The following IL7 variants were observed in gnomAD, a reference collection of about 807,000 sequenced individuals.
IL7 encodes interleukin 7.
In IL7, 3 loss-of-function variants were observed where a neutral mutation model predicts 21.6. The ratio of observed to expected loss-of-function variants is 0.14; its 90% CI spans 0.06 to 0.36. IL7 has a LOEUF of 0.36. Ranked by LOEUF, IL7 falls within the 10% of genes least tolerant of loss-of-function variation. IL7 has a pLI of 1.00. For missense variants in IL7, 175 were observed against 200.2 expected, an observed-to-expected ratio of 0.87 and a Z score of 0.76; for synonymous variants, 62 against 68.1, an observed-to-expected ratio of 0.91 and a Z score of 0.44.
At chr8:78,679,586 G>T (rs1394872096) in intron 4 of IL7, among the ~76,000 whole-genome samples, 1 of 152,116 alleles carries the variant, frequency 6.6e-6, no homozygotes, top group African/African-American at 2.4e-5. Flanking sequence ...GGTAGTAAGG[G>T]CCAACTGTGT....
intron 2 of IL7, among the ~76,000 whole-genome samples, chr8:78,777,598 G>C (rs1813173453): frequency 6.6e-6 from 1 of 151,768 alleles, no homozygotes; most frequent in Admixed American, 6.6e-5. Context: ...ATCAATCTTT[G>C]AGTTTTCCAT....
intron 1 of IL7, among the ~76,000 whole-genome samples, chr8:78,802,895 A>G (rs1307730241): frequency 6.6e-6 from 1 of 152,212 alleles, no homozygotes; most frequent in African/African-American, 2.4e-5. Context: ...CTTCCTGTGC[A>G]TGAACCTCAC....
chr8:78,792,306 C>T (rs891829813), intron 2 of IL7, among the ~76,000 whole-genome samples: 1 of 152,126 alleles, frequency 6.6e-6, no homozygotes, highest in African/African-American at 2.4e-5. Flanking sequence ...CAAAGACCAA[C>T]ATGTGAGACT....
intron 3 of IL7, among the ~76,000 whole-genome samples, chr8:78,693,821 G>C (rs1377121808): frequency 6.6e-6 from 1 of 152,168 alleles, no homozygotes; most frequent in African/African-American, 2.4e-5. Flanking sequence ...CCTGTGTCCT[G>C]AATGGTATTG....
intron 2 of IL7, among the ~76,000 whole-genome samples, chr8:78,749,863 A>C (rs879814742): frequency 1.3e-5 from 2 of 152,002 alleles, no homozygotes; most frequent in Admixed American, 1.3e-4. Context: ...GTGAGATCCT[A>C]TCTTTACAAA....
At chr8:78,751,138 G>T (rs1231821054) in intron 2 of IL7, among the ~76,000 whole-genome samples, 1 of 150,866 alleles carries the variant, frequency 6.6e-6, no homozygotes, top group Non-Finnish European at 1.5e-5. Context: ...TAAGAACTGT[G>T]GGACAACTAC....
At chr8:78,767,724 C>T (rs939806978) in intron 2 of IL7, among the ~76,000 whole-genome samples, 8 of 152,036 alleles carry the variant, frequency 5.3e-5, no homozygotes, top group East Asian at 3.8e-4. Context: ...CACCATTTCT[C>T]TATTATTGAT....
At chr8:78,774,579 G>A (rs16906080) in intron 2 of IL7, among the ~76,000 whole-genome samples, 2,405 of 151,974 alleles carry the variant, frequency 0.016, 51 homozygotes, top group African/African-American at 0.055. Flanking sequence ...AGCAATTCTC[G>A]TGCAATTTAT....
chr8:78,734,968 A>C (rs934255580), intron 5 of IL7, among the ~76,000 whole-genome samples: 18 of 152,202 alleles, frequency 1.2e-4, no homozygotes, highest in African/African-American at 3.9e-4. Flanking sequence ...CCACAAATTC[A>C]GATCTCTTTT....
At chr8:78,772,262 T>C (rs1296414728) in intron 2 of IL7, among the ~76,000 whole-genome samples, 2 of 152,172 alleles carry the variant, frequency 1.3e-5, no homozygotes, top group East Asian at 1.9e-4. Flanking sequence ...CAGAATTTAA[T>C]AGAAGAGTTG....
At chr8:78,741,128 A>C (rs1229767996) in intron 2 of IL7, among the ~76,000 whole-genome samples, 1 of 152,202 alleles carries the variant, frequency 6.6e-6, no homozygotes, top group South Asian at 2.1e-4. Flanking sequence ...TTGAATCCTC[A>C]TCTGCCTCTC....
At chr8:78,766,632 G>T (rs1333607804) in intron 2 of IL7, among the ~76,000 whole-genome samples, 2 of 151,972 alleles carry the variant, frequency 1.3e-5, no homozygotes, top group Non-Finnish European at 2.9e-5. Flanking sequence ...TGTCATTCTA[G>T]GTCAAACATA....
chr8:78,720,785 T>C (rs568417891), intron 5 of IL7, among the ~76,000 whole-genome samples: 1 of 152,108 alleles, frequency 6.6e-6, no homozygotes, highest in Admixed American at 6.6e-5. Flanking sequence ...ATATCACTTA[T>C]GGACAATACA....
chr8:78,721,705 T>C (rs1324501143), intron 3 of IL7, among the ~76,000 whole-genome samples: 2 of 152,022 alleles, frequency 1.3e-5, no homozygotes, highest in Non-Finnish European at 2.9e-5. Context: ...TTAAGATGAA[T>C]GCCCTTATGT....
intron 2 of IL7, among the ~76,000 whole-genome samples, chr8:78,751,372 C>G (rs918402168): frequency 6.6e-6 from 1 of 152,020 alleles, no homozygotes; most frequent in Non-Finnish European, 1.5e-5. Context: ...AGTAAAAAAC[C>G]AGTGTTTAAA....
intron 2 of IL7, among the ~76,000 whole-genome samples, chr8:78,789,277 A>AT (rs2130825425): frequency 6.6e-6 from 1 of 152,306 alleles, no homozygotes; most frequent in South Asian, 2.1e-4. Context: ...CTCTTGTTAA[A>AT]TTGCAACTGA....
At chr8:78,778,570 G>T (rs143052761) in intron 2 of IL7, among the ~76,000 whole-genome samples, 329 of 152,136 alleles carry the variant, frequency 2.2e-3, no homozygotes, top group Middle Eastern at 6.8e-3. Context: ...GGTCTTCTTT[G>T]TGAGGTCTCT....
At chr8:78,710,050 T>C (rs1354597780) in intron 3 of IL7, among the ~76,000 whole-genome samples, 2 of 152,182 alleles carry the variant, frequency 1.3e-5, no homozygotes, top group Middle Eastern at 3.2e-3. Flanking sequence ...ACTTTTCCTA[T>C]GTTAAAGTTT....
chr8:78,790,498 A>C (rs1813651738), intron 2 of IL7, among the ~76,000 whole-genome samples: 1 of 152,148 alleles, frequency 6.6e-6, no homozygotes, highest in Non-Finnish European at 1.5e-5. Flanking sequence ...ACAATCCATA[A>C]ATTATTAATT....
Sources: gnomAD v4.1 joint callset for allele counts (sites outside exome capture counted in the v4.1 genomes callset) on GRCh38, gnomAD v4.1.1 for gene constraint, MANE v1.5 for transcripts, NCBI Gene and HGNC (gene_info 2026-07-23, HGNC 2026-07-21) for gene names.